Variants in RALYL observed in about 807,000 individuals in gnomAD.
RALYL encodes the protein RNA-binding Raly-like protein.
RALYL carries 29 observed loss-of-function variants against 35.1 expected under a neutral mutation model. The ratio of observed to expected loss-of-function variants is 0.83; its 90% CI spans 0.61 to 1.13. The LOEUF (loss-of-function observed/expected upper bound fraction) is 1.13. Among genes scored for constraint, RALYL ranks in the 50% most tolerant of loss-of-function variants. The probability of loss-of-function intolerance (pLI) is 0.00; values close to 1 mark genes in which losing one functional copy is unlikely to be tolerated. For missense variants in RALYL, 359 were observed against 360.4 expected (o/e 1.00, Z 0.03); for synonymous variants, 120 against 127.6 (o/e 0.94, Z 0.40).
intron 1 of RALYL, among the ~76,000 whole-genome samples, chr8:84,474,659 G>A (rs2053182017): frequency 6.6e-6 from 1 of 151,904 alleles, no homozygotes; most frequent in Non-Finnish European, 1.5e-5. Context: ...GGATTCTGAT[G>A]GTGAAAGTTC....
intron 3 of RALYL, among the ~76,000 whole-genome samples, chr8:84,800,607 C>G (rs1215001034): frequency 6.6e-6 from 1 of 151,458 alleles, no homozygotes; most frequent in Non-Finnish European, 1.5e-5. Flanking sequence ...ATTAAATTCA[C>G]TACCTATTTC....
chr8:84,677,328 T>G (rs1304670738), intron 2 of RALYL, among the ~76,000 whole-genome samples: 2 of 152,206 alleles, frequency 1.3e-5, no homozygotes, highest in Admixed American at 6.5e-5. Context: ...AATAACATGG[T>G]TCAGATATTT....
intron 2 of RALYL, among the ~76,000 whole-genome samples, chr8:84,625,996 T>C (rs1822631905): frequency 6.6e-6 from 1 of 151,944 alleles, no homozygotes; most frequent in Admixed American, 6.6e-5. Flanking sequence ...CAGGGGCACT[T>C]ATCCAAGTAA....
chr8:84,809,412 A>ATGTT (rs369607150), intron 4 of RALYL, among the ~76,000 whole-genome samples: 1 of 152,090 alleles, frequency 6.6e-6, no homozygotes, highest in African/African-American at 2.4e-5. Context: ...TTTAGCATCT[A>ATGTT]TGTTTATCAA....
intron 2 of RALYL, among the ~76,000 whole-genome samples, chr8:84,653,239 C>A (rs1053302808): frequency 1.1e-4 from 17 of 152,030 alleles, no homozygotes; most frequent in Non-Finnish European, 2.5e-4. Context: ...TTTTAAAAAA[C>A]CAATATTCAA....
At chr8:84,768,372 G>C (rs1008698714) in intron 2 of RALYL, among the ~76,000 whole-genome samples, 1 of 152,080 alleles carries the variant, frequency 6.6e-6, no homozygotes, top group Non-Finnish European at 1.5e-5. Flanking sequence ...TCGTTCATTC[G>C]AATCTTGGCA....
At chr8:84,264,907 T>G (rs766261232) in intron 1 of RALYL, among the ~76,000 whole-genome samples, 1 of 152,210 alleles carries the variant, frequency 6.6e-6, no homozygotes, top group Non-Finnish European at 1.5e-5. Context: ...TGTCTAAAAT[T>G]TAACATGTAG....
At chr8:84,364,458 A>G (rs10087615) in intron 1 of RALYL, among the ~76,000 whole-genome samples, 90,766 of 151,984 alleles carry the variant, frequency 0.6, 27,789 homozygotes, top group African/African-American at 0.72. Context: ...ATTGAAATTT[A>G]TTGGCATAAG....
chr8:84,629,677 C>T (rs1233750426), intron 2 of RALYL, among the ~76,000 whole-genome samples: 1 of 151,812 alleles, frequency 6.6e-6, no homozygotes, highest in Non-Finnish European at 1.5e-5. Context: ...TACAATAGAG[C>T]ATATATTTGT....
At chr8:84,580,470 G>A (rs1810565426) in intron 2 of RALYL, among the ~76,000 whole-genome samples, 1 of 152,138 alleles carries the variant, frequency 6.6e-6, no homozygotes, top group South Asian at 2.1e-4. Flanking sequence ...TGGGGTGTGG[G>A]AGTGCCAGGC....
At chr8:84,913,024 A>AGG (rs1847776645) in intron 8 of RALYL, among the ~76,000 whole-genome samples, 4 of 111,604 alleles carry the variant, frequency 3.6e-5, no homozygotes, top group African/African-American at 1.3e-4. Context: ...GGATGGATGG[A>AGG]TGGATGGATA....
intron 1 of RALYL, among the ~76,000 whole-genome samples, chr8:84,320,059 C>T (rs961659493): frequency 4.6e-5 from 7 of 151,898 alleles, no homozygotes; most frequent in African/African-American, 7.2e-5. Flanking sequence ...GCTTTCTCCA[C>T]GTTTGAATTC....
chr8:84,693,026 T>A (rs1838378292), intron 2 of RALYL, among the ~76,000 whole-genome samples: 2 of 152,004 alleles, frequency 1.3e-5, no homozygotes, highest in Admixed American at 1.3e-4. Context: ...CACCTTATTT[T>A]AAATGTCTAA....
chr8:84,454,347 G>T (rs1824887), intron 1 of RALYL, among the ~76,000 whole-genome samples: 1 of 144,356 alleles, frequency 6.9e-6, no homozygotes, highest in Non-Finnish European at 1.6e-5. Context: ...TAAAAATCTG[G>T]TATCAGGTCA....
chr8:84,601,441 C>T (rs1815928155), intron 2 of RALYL, among the ~76,000 whole-genome samples: 1 of 152,104 alleles, frequency 6.6e-6, no homozygotes, highest in Non-Finnish European at 1.5e-5. Context: ...AGAAACTAAA[C>T]ATCCACTTTC....
intron 2 of RALYL, among the ~76,000 whole-genome samples, chr8:84,700,325 CATA>C (rs1237193193): frequency 3.3e-5 from 5 of 152,028 alleles, no homozygotes; most frequent in Admixed American, 2.0e-4. Context: ...ATTTCAGAAT[CATA>C]ATAATTGTAA....
rs147117897 is a variant in RALYL at position 84,764,798 on chromosome 8, A to C, written c.257-9781A>C. Among the ~76,000 whole-genome samples the C allele has an allele frequency of 1.2e-4, 19 of 152,358 alleles. No homozygotes were observed. The East Asian group carries it at 3.5e-3, about 28-fold the overall frequency. On this transcript the variant is annotated intron_variant, in intron 2 of 8. Coordinates refer to ENST00000521268, the MANE Select transcript of RALYL (RefSeq NM_173848.7). ...CTACAGTTTCATTCTTATAACACCGAATATTTTAACATACTATTAAGGACA... is the reference window on the plus strand; with the variant it reads ...CTACAGTTTCATTCTTATAACACCGCATATTTTAACATACTATTAAGGACA...
intron 2 of RALYL, among the ~76,000 whole-genome samples, chr8:84,566,163 T>A (rs965513206): frequency 1.3e-5 from 2 of 151,500 alleles, no homozygotes; most frequent in Non-Finnish European, 3.0e-5. Context: ...TTGAATTGCA[T>A]AGAACATTTC....
At chr8:84,339,960 G>T (rs1409055076) in intron 1 of RALYL, among the ~76,000 whole-genome samples, 2 of 152,080 alleles carry the variant, frequency 1.3e-5, no homozygotes, top group Non-Finnish European at 2.9e-5. Context: ...GGACCCAATG[G>T]AAGGTAATTT....
Sources: gnomAD v4.1 joint callset for allele counts (sites outside exome capture counted in the v4.1 genomes callset) on GRCh38, gnomAD v4.1.1 for gene constraint, MANE v1.5 for transcripts, NCBI Gene and HGNC (gene_info 2026-07-23, HGNC 2026-07-21) for gene names.